Variants in RMDN2 observed in about 807,000 individuals in gnomAD.
RMDN2 encodes the protein regulator of microtubule dynamics 2, also known as regulator of microtubule dynamics protein 2.
RMDN2 carries 61 observed loss-of-function variants against 52.8 expected under a neutral mutation model. The ratio of observed to expected loss-of-function variants is 1.16; its 90% CI spans 0.94 to 1.43. The LOEUF is 1.43. RMDN2 is among the 40% of genes most tolerant of loss of function. RMDN2 has a pLI of 0.00. For synonymous variants in RMDN2, 180 were observed against 153.1 expected (o/e 1.18, Z -1.30); for missense variants, 592 against 475.3 (o/e 1.25, Z -2.28).
intron 2 of RMDN2, among the ~76,000 whole-genome samples, chr2:37,958,644 G>A (rs992229861): frequency 1.3e-5 from 2 of 150,794 alleles, no homozygotes; most frequent in Admixed American, 1.3e-4. Context: ...TATCTTGCCT[G>A]GTTGCCCTGG....
Position 37,951,303 on chromosome 2 carries a change from C to T in RMDN2, c.452+21574C>T, listed in dbSNP as rs141147110. 144 of 1,612,358 alleles carry T rather than the reference C, an allele frequency of 8.9e-5. No individual in the cohort carries two copies. Among genetic ancestry groups the T allele is most frequent in the Middle Eastern group, 1.6e-4 (1 of 6,070 alleles). On this transcript the variant is annotated intron_variant, in intron 2 of 10. Coordinates refer to ENST00000354545, the MANE Select transcript of RMDN2 (RefSeq NM_001170791.3). The stretch of plus-strand genomic sequence containing the variant: ...TCAAGTTAGTACAGACGCCCAGCAT[C>T]GTGGAGCCTCTTCTATTTCACAACC...
intron 1 of RMDN2, among the ~76,000 whole-genome samples, chr2:37,926,872 G>C (rs1666323833): frequency 6.6e-6 from 1 of 152,086 alleles, no homozygotes; most frequent in African/African-American, 2.4e-5. Context: ...AGTGGTCGAG[G>C]CTACAGTGAG....
chr2:38,058,811 T>C (rs962508163), intron 10 of RMDN2, among the ~76,000 whole-genome samples: 1 of 152,156 alleles, frequency 6.6e-6, no homozygotes, highest in Non-Finnish European at 1.5e-5. Flanking sequence ...CTCCTCTGCC[T>C]ATGGGAAAAA....
In RMDN2 at chr2:37,980,550, T is replaced by C. The variant is rs574310523; in HGVS notation, c.731-733T>C. Among the ~76,000 whole-genome samples, 22 of 152,274 alleles carry C rather than the reference T, an allele frequency of 1.4e-4. No individual in the cohort carries two copies. In the South Asian group the frequency reaches 4.6e-3, roughly 32 times the overall value. ...AATTCCTGACCTCAGGTGATCCACC[T>C]GCCTCGGCCTCCCAAAGTGCTAGGA... On this transcript the variant is annotated intron_variant, in intron 4 of 10. Transcript: ENST00000354545.
In RMDN2 at chr2:37,929,245, T is replaced by A. The variant is rs1331230166; in HGVS notation, c.-16-17T>A. The A allele has an allele frequency of 7.4e-7, 1 of 1,357,380 alleles. No individual in the cohort carries two copies. Among genetic ancestry groups the A allele is most frequent in the East Asian group, 2.5e-5 (1 of 39,706 alleles). The allele number at this position is 1,357,380 out of a possible 1,614,324, so 84.1% of individuals were successfully genotyped here. A position where few individuals can be genotyped will look rare whatever the true frequency, so the allele number is the denominator to read the frequency against. ...GACATAAACAACATTCATTTACATT[T>A]ATGTTTTTAATTTTAGAAACGAAAA... On this transcript the variant is annotated splice_polypyrimidine_tract_variant and intron_variant, in intron 1 of 10. Transcript: ENST00000354545.
At chr2:37,936,440 C>T (rs1263625408) in intron 2 of RMDN2, among the ~76,000 whole-genome samples, 1 of 152,170 alleles carries the variant, frequency 6.6e-6, no homozygotes, top group Non-Finnish European at 1.5e-5. Flanking sequence ...AATGGTATTT[C>T]TAGTTCTAGA....
In RMDN2 at chr2:37,927,156, C is replaced by G. The variant is rs150846515; in HGVS notation, c.-17+1731C>G. Among the ~76,000 whole-genome samples the G allele has an allele frequency of 2.1e-3, 320 of 152,064 alleles. 2 individuals carry two copies. Among genetic ancestry groups the G allele is most frequent in the African/African-American group, 7.4e-3 (307 of 41,476 alleles). ...TCAGCTCCGTTGATTCTATTTTTTTCTAGTTAATTTTTGTGGTTCTGAAAT... is the reference window on the plus strand; with the variant it reads ...TCAGCTCCGTTGATTCTATTTTTTTGTAGTTAATTTTTGTGGTTCTGAAAT... On this transcript the variant is annotated intron_variant, in intron 1 of 10. Coordinates refer to ENST00000354545, the MANE Select transcript of RMDN2 (RefSeq NM_001170791.3).
intron 6 of RMDN2, among the ~76,000 whole-genome samples, chr2:37,990,687 T>TAC (rs921200833): frequency 2.6e-5 from 4 of 152,032 alleles, no homozygotes; most frequent in South Asian, 2.1e-4. Context: ...AAGTAAGTAA[T>TAC]ACACACACAC....
Position 37,989,549 on chromosome 2 carries a change from T to A in RMDN2, c.800T>A (p.Val267Asp), listed in dbSNP as rs1244076774. ...GTTTTTGTCCTTTTCAGGTATGCAG[T>A]TTTGTGTGGCTATGTATCTGAGTTT... ...MNGHCHLWYAVLCGYVSEFEG... is the reference protein window; with the variant it reads ...MNGHCHLWYADLCGYVSEFEG... The change falls in exon 6 of 11, where the codon GTT (valine) becomes GAT (aspartate). Residue 267 changes from valine (V) to aspartate (D), a missense_variant. By Grantham distance (152) the Val-to-Asp change is radical. Coordinates refer to ENST00000354545, the MANE Select transcript of RMDN2 (RefSeq NM_001170791.3). 3 of 1,612,408 alleles carry A rather than the reference T, an allele frequency of 1.9e-6. No homozygotes were observed. The highest frequency in any genetic ancestry group is 2.2e-5 in the South Asian group (2 of 90,636).
chr2:37,956,329 G>T (rs1016062765), intron 2 of RMDN2, among the ~76,000 whole-genome samples: 1 of 151,844 alleles, frequency 6.6e-6, no homozygotes, highest in Admixed American at 6.6e-5. Flanking sequence ...TAATCAATTC[G>T]CTGGCATACA....
chr2:37,974,942 T>C (rs1465226234), intron 3 of RMDN2: 2 of 335,768 alleles, frequency 6.0e-6, no homozygotes, highest in Non-Finnish European at 1.1e-5. Flanking sequence ...TTGGTGCCTA[T>C]CAAATCTCTT....
chr2:37,963,818 A>G (rs1209020734), intron 2 of RMDN2, among the ~76,000 whole-genome samples: 3 of 152,110 alleles, frequency 2.0e-5, no homozygotes, highest in African/African-American at 7.2e-5. Context: ...CCCGTTCTCA[A>G]TGAGCTGTTG....
At chr2:38,018,316 A>T (rs141260950), downstream of RMDN2, among the ~76,000 whole-genome samples, 35 of 152,366 alleles carry the variant, frequency 2.3e-4, no homozygotes, top group African/African-American at 7.7e-4. Context: ...TACATTAAAT[A>T]TGAAAATATA....
intron 10 of RMDN2, chr2:38,029,346 C>G (rs950840999): frequency 6.6e-6 from 1 of 152,194 alleles, no homozygotes; most frequent in Non-Finnish European, 1.5e-5. Flanking sequence ...CACTCAAGGC[C>G]TGGGCCAAGG....
At chr2:37,994,123 C>A (rs1007534123) in intron 7 of RMDN2, among the ~76,000 whole-genome samples, 1 of 152,054 alleles carries the variant, frequency 6.6e-6, no homozygotes, top group Non-Finnish European at 1.5e-5. Context: ...AAATTATAGA[C>A]TATACAAGGA....
intron 2 of RMDN2, among the ~76,000 whole-genome samples, chr2:37,930,640 C>T (rs1470988360): frequency 6.6e-6 from 1 of 152,172 alleles, no homozygotes; most frequent in East Asian, 1.9e-4. Flanking sequence ...AGCAGCCGTG[C>T]CAGAGGGCAG....
intron 10 of RMDN2, among the ~76,000 whole-genome samples, chr2:38,047,975 T>A (rs1378283049): frequency 6.6e-6 from 1 of 152,254 alleles, no homozygotes; most frequent in Non-Finnish European, 1.5e-5. Context: ...CTGATCACTC[T>A]GACTTTAATC....
At chr2:38,025,567 T>G (rs899659259) in intron 10 of RMDN2, among the ~76,000 whole-genome samples, 1 of 152,124 alleles carries the variant, frequency 6.6e-6, no homozygotes, top group Non-Finnish European at 1.5e-5. Context: ...GGGGAAAGCA[T>G]GCCATTTTTT....
At chr2:37,942,921 T>C (rs1667919009) in intron 2 of RMDN2, among the ~76,000 whole-genome samples, 1 of 152,166 alleles carries the variant, frequency 6.6e-6, no homozygotes, top group South Asian at 2.1e-4. Context: ...TAGGATTCTA[T>C]TAACTAGAAC....
Sources: gnomAD v4.1 joint callset for allele counts (sites outside exome capture counted in the v4.1 genomes callset) on GRCh38, gnomAD v4.1.1 for gene constraint, MANE v1.5 for transcripts, NCBI Gene and HGNC (gene_info 2026-07-23, HGNC 2026-07-21) for gene names.